The following ABCA4 variants were observed in gnomAD, a reference collection of about 807,000 sequenced individuals.
The protein encoded by ABCA4 is retinal-specific phospholipid-transporting ATPase ABCA4.
A neutral mutation model predicts 263.7 loss-of-function variants in ABCA4; 196 were observed. That is an observed-to-expected ratio of 0.74 (90% CI 0.66 to 0.84). The LOEUF is 0.84. ABCA4 is among the 40% of genes least tolerant of loss of function. The pLI, the probability that ABCA4 is intolerant of heterozygous loss-of-function variation, is 0.00. For synonymous variants in ABCA4, 1,133 were observed against 1,094.2 expected (o/e 1.04, Z -0.70); for missense variants, 2,792 against 2,855.1 (o/e 0.98, Z 0.50).
chr1:94,030,292 G>A, intron 29 of ABCA4, 136 bp downstream of exon 29: 1 of 768,596 alleles, frequency 1.3e-6, no homozygotes, highest in South Asian at 1.5e-5. Flanking sequence ...GGTTGGGGGA[G>A]TGCTGGTCAG....
chr1:94,102,413 C>A (rs545237196), intron 5 of ABCA4, among the ~76,000 whole-genome samples: 8 of 152,016 alleles, frequency 5.3e-5, no homozygotes, highest in Non-Finnish European at 1.0e-4. Context: ...CCCGGAACTC[C>A]CCTCTCACTT....
chr1:94,099,332 G>A (rs916830415), intron 5 of ABCA4, among the ~76,000 whole-genome samples: 1 of 152,182 alleles, frequency 6.6e-6, no homozygotes, highest in Non-Finnish European at 1.5e-5. Flanking sequence ...GGCTGAAGGA[G>A]GCAGGAAAAT....
intron 14 of ABCA4, among the ~76,000 whole-genome samples, chr1:94,057,696 A>C (rs1186806286): frequency 6.6e-6 from 1 of 152,222 alleles, no homozygotes; most frequent in Non-Finnish European, 1.5e-5. Flanking sequence ...CACATTAACC[A>C]ATGAATCAAT....
chr1:94,099,832 G>A (rs1662239205), intron 5 of ABCA4, among the ~76,000 whole-genome samples: 4 of 152,200 alleles, frequency 2.6e-5, no homozygotes, highest in Admixed American at 2.6e-4. Context: ...GCCCTGCAGA[G>A]TGCACATTCT....
chr1:94,010,340 G>A (rs1659510894), intron 40 of ABCA4, among the ~76,000 whole-genome samples: 1 of 116,378 alleles, frequency 8.6e-6, no homozygotes, highest in Non-Finnish European at 1.9e-5. Flanking sequence ...CTCCAGGAGT[G>A]GGGGGTCGTG....
intron 13 of ABCA4, 75 bp from the exon 14 acceptor site, chr1:94,060,834 G>T: frequency 8.0e-7 from 1 of 1,248,594 alleles, no homozygotes; most frequent in South Asian, 1.3e-5. Flanking sequence ...TTTGTTGAAT[G>T]AATGTGTTGA....
rs1660980610 is a variant in ABCA4 at position 94,056,478 on chromosome 1, AC to A, written c.2382+122del. 4.6e-5 allele frequency: 50 copies of A among 1,093,680 alleles called. No individual in the cohort carries two copies. The Middle Eastern group carries it at 8.6e-4, about 19-fold the overall frequency. 67.7% of individuals were successfully genotyped at this position (1,093,680 alleles called of 1,614,324 possible). A position where few individuals can be genotyped will look rare whatever the true frequency, so the allele number is the denominator to read the frequency against. The stretch of plus-strand genomic sequence containing the variant: ...CCCTGTACATTTTAGCCTCACGTGA[AC>A]TTTTTAACCTTAGGTCAAAGGCAAA... On this transcript the variant is annotated intron_variant, in intron 15 of 49. Coordinates refer to ENST00000370225, the MANE Select transcript of ABCA4 (RefSeq NM_000350.3).
intron 43 of ABCA4, among the ~76,000 whole-genome samples, chr1:94,006,298 A>G (rs1296902743): frequency 1.3e-5 from 2 of 152,200 alleles, no homozygotes; most frequent in African/African-American, 4.8e-5. Context: ...TGGGCCAATT[A>G]AAACTACTCA....
chr1:94,083,748 T>C (rs1037381460), intron 6 of ABCA4, among the ~76,000 whole-genome samples: 7 of 152,220 alleles, frequency 4.6e-5, no homozygotes, highest in East Asian at 1.9e-4. Flanking sequence ...ACAAGATTCC[T>C]GGAGGAAGGA....
chr1:94,049,723 G>A (rs570522726), intron 17 of ABCA4, among the ~76,000 whole-genome samples: 19 of 152,256 alleles, frequency 1.2e-4, no homozygotes, highest in Admixed American at 1.2e-3. Context: ...AATTCACCTA[G>A]ATGGGCATTT....
chr1:94,095,286 G>GC, intron 6 of ABCA4, among the ~76,000 whole-genome samples: 1 of 151,360 alleles, frequency 6.6e-6, no homozygotes, highest in East Asian at 2.0e-4. Flanking sequence ...TAACCCCAGC[G>GC]CCCCCCTCCG....
intron 4 of ABCA4, among the ~76,000 whole-genome samples, chr1:94,103,369 A>G (rs1251828455): frequency 6.6e-6 from 1 of 151,422 alleles, no homozygotes; most frequent in African/African-American, 2.4e-5. Flanking sequence ...GGAAAAAGTT[A>G]GCCAGGGCTG....
chr1:93,994,829 A>T (rs1250271243), intron 49 of ABCA4, among the ~76,000 whole-genome samples: 1 of 152,128 alleles, frequency 6.6e-6, no homozygotes, highest in African/African-American at 2.4e-5. Flanking sequence ...GAACATCAGC[A>T]CCCCTGATGT....
rs370557272 is a variant in ABCA4, at chr1:94,056,865, C to T, written c.2161-43G>A. On this transcript the variant is annotated intron_variant, in intron 14 of 49. Transcript: ENST00000370225. ...TGCGTCAGTAACTCCTGCCCTTGGC[C>T]GGACGCCTTCTCATTCTGCCCTAAA... 1.5e-5 allele frequency: 22 copies of T among 1,495,482 alleles called. No individual in the cohort carries two copies. In the South Asian group the frequency reaches 2.0e-4, roughly 14 times the overall value. The allele number at this position is 1,495,482 out of a possible 1,614,324, so 92.6% of individuals were successfully genotyped here.
rs761989194 is a variant in ABCA4 at position 94,031,929 on chromosome 1, G to C, written c.3977C>G (p.Ala1326Gly). 15 of 1,614,150 alleles carry C rather than the reference G, an allele frequency of 9.3e-6. No homozygotes were observed. The East Asian group carries it at 3.3e-4, about 36-fold the overall frequency. The change falls in exon 27 of 50, where the codon GCT becomes GGT. Residue 1326 changes from alanine (A) to glycine (G), a missense_variant. By Grantham distance (60) the Ala-to-Gly change is moderately conservative. Transcript: ENST00000370225. ...DSNVCSPGAPAAHPEGQPPPE... is the reference protein window; with the variant it reads ...DSNVCSPGAPGAHPEGQPPPE... ...GGGAGGCTGGCCCTCTGGGTGAGCAGCCGGCGCCCCTGGGGAGCAGACATT... is the reference window on the plus strand; with the variant it reads ...GGGAGGCTGGCCCTCTGGGTGAGCACCCGGCGCCCCTGGGGAGCAGACATT...
intron 49 of ABCA4, among the ~76,000 whole-genome samples, chr1:93,994,998 G>A (rs72956540): frequency 0.039 from 5,972 of 152,294 alleles, 390 homozygotes; most frequent in African/African-American, 0.14. Flanking sequence ...ACTGCAAGTG[G>A]TTTTTAAAAA....
chr1:94,120,937 T>G (rs1662932207), intron 1 of ABCA4, 43 bp downstream of exon 1: 1 of 1,573,248 alleles, frequency 6.4e-7, no homozygotes, highest in Non-Finnish European at 8.7e-7. Flanking sequence ...ACCTGTTTAT[T>G]TGCTCCACAC....
Position 94,000,748 on chromosome 1 carries a change from G to C in ABCA4, c.6479+88C>G, listed in dbSNP as rs889904560. On this transcript the variant is annotated intron_variant, in intron 47 of 49. Transcript: ENST00000370225. ...CTCTGCCCCAGGGGATGACGGAGCA[G>C]CAGGACTCTTCCAAGTGTCAATGGA... is the stretch of plus-strand genomic sequence containing the variant. The C allele has an allele frequency of 2.9e-5, 40 of 1,380,412 alleles. 1 individual carries two copies. In the South Asian group the frequency reaches 4.5e-4, roughly 16 times the overall value. The allele number at this position is 1,380,412 out of a possible 1,614,324, so 85.5% of individuals were successfully genotyped here. A position where few individuals can be genotyped will look rare whatever the true frequency, so the allele number is the denominator to read the frequency against.
chr1:94,096,774 A>G (rs1416732013), intron 6 of ABCA4, among the ~76,000 whole-genome samples: 1 of 152,130 alleles, frequency 6.6e-6, no homozygotes, highest in East Asian at 1.9e-4. Context: ...TGGGAGGTAA[A>G]TTTACCTATA....
Sources: gnomAD v4.1 joint callset for allele counts (sites outside exome capture counted in the v4.1 genomes callset) on GRCh38, gnomAD v4.1.1 for gene constraint, MANE v1.5 for transcripts, NCBI Gene and HGNC (gene_info 2026-07-23, HGNC 2026-07-21) for gene names.